Variants in EIPR1 observed in about 807,000 individuals in gnomAD.
EIPR1 encodes EARP and GARP complex-interacting protein 1.
EIPR1 carries 25 observed loss-of-function variants against 48.1 expected under a neutral mutation model. The ratio of observed to expected loss-of-function variants is 0.52; its 90% CI spans 0.38 to 0.73. The LOEUF (loss-of-function observed/expected upper bound fraction) is 0.73, where lower values mean the gene tolerates loss of function less well. EIPR1 is among the 30% of genes least tolerant of loss of function. The pLI is 0.00. For synonymous variants in EIPR1, 204 were observed against 201.9 expected (o/e 1.01, Z -0.09); for missense variants, 415 against 506.2 (o/e 0.82, Z 1.73).
chr2:3,282,294 G>C (rs903409490), intron 3 of EIPR1, among the ~76,000 whole-genome samples: 1 of 152,250 alleles, frequency 6.6e-6, no homozygotes, highest in Non-Finnish European at 1.5e-5. Context: ...TGCGGACATG[G>C]CTAGCAGCTG....
chr2:3,273,439 C>A (rs1667756201), intron 3 of EIPR1, among the ~76,000 whole-genome samples: 1 of 152,186 alleles, frequency 6.6e-6, no homozygotes, highest in African/African-American at 2.4e-5. Flanking sequence ...TGCAAAAACA[C>A]AGGCTCCTTA....
chr2:3,351,425 A>C (rs1015684206), intron 2 of EIPR1, among the ~76,000 whole-genome samples: 7 of 152,222 alleles, frequency 4.6e-5, no homozygotes, highest in African/African-American at 1.7e-4. Context: ...ACTCATAACT[A>C]TCATGCTTTC....
intron 3 of EIPR1, among the ~76,000 whole-genome samples, chr2:3,318,340 A>G (rs573130749): frequency 6.6e-6 from 1 of 152,348 alleles, no homozygotes; most frequent in Admixed American, 6.5e-5. Flanking sequence ...GGCAAATGAT[A>G]GAGCAGGACG....
At chr2:3,350,635 G>A (rs540174712) in intron 2 of EIPR1, among the ~76,000 whole-genome samples, 1 of 152,314 alleles carries the variant, frequency 6.6e-6, no homozygotes, top group Admixed American at 6.5e-5. Flanking sequence ...GTTATTCTAT[G>A]AAGTAAGCAT....
chr2:3,369,401 C>A (rs1671053341), intron 1 of EIPR1, among the ~76,000 whole-genome samples: 1 of 152,116 alleles, frequency 6.6e-6, no homozygotes. Flanking sequence ...GTGGGTGCAG[C>A]GAACCGTGCG....
chr2:3,325,006 G>A (rs1669651266), intron 3 of EIPR1, among the ~76,000 whole-genome samples: 1 of 152,212 alleles, frequency 6.6e-6, no homozygotes, highest in South Asian at 2.1e-4. Flanking sequence ...AGGGGTTTAG[G>A]GTCAGAGTCC....
chr2:3,353,367 T>C, intron 2 of EIPR1: 1 of 465,254 alleles, frequency 2.1e-6, no homozygotes, highest in Non-Finnish European at 4.5e-6. Flanking sequence ...TTACACCACG[T>C]TGATCATACT....
At chr2:3,370,615 A>T (rs1272400179) in intron 1 of EIPR1, among the ~76,000 whole-genome samples, 1 of 152,226 alleles carries the variant, frequency 6.6e-6, no homozygotes, top group Admixed American at 6.5e-5. Flanking sequence ...AGCCGATGCG[A>T]TCAACTGGAA....
At chr2:3,284,800 T>C (rs1034204064) in intron 3 of EIPR1, among the ~76,000 whole-genome samples, 4 of 151,702 alleles carry the variant, frequency 2.6e-5, no homozygotes, top group Non-Finnish European at 5.9e-5. Context: ...AGCACACAGT[T>C]GGGAAAGGGG....
chr2:3,307,601 G>A (rs139926771), intron 3 of EIPR1, among the ~76,000 whole-genome samples: 45 of 152,316 alleles, frequency 3.0e-4, no homozygotes, highest in Non-Finnish European at 5.6e-4. Flanking sequence ...GCCCGGGCAC[G>A]GAAAGACGGC....
rs1410532903 is a variant in EIPR1 at position 3,348,107 on chromosome 2, C to T, written c.126+6443G>A. Among the ~76,000 whole-genome samples, 5 of 152,194 alleles carry T rather than the reference C, an allele frequency of 3.3e-5. No individual in the cohort carries two copies. The East Asian group carries it at 5.8e-4, about 18-fold the overall frequency. ...GAACAAAGTTGTCACCAATCAGAGG[C>T]GCTGCAGGAACAAAGCTATCACGAA... On this transcript the variant is annotated intron_variant, in intron 2 of 8. Coordinates refer to ENST00000382125, the MANE Select transcript of EIPR1 (RefSeq NM_003310.5).
intron 4 of EIPR1, among the ~76,000 whole-genome samples, chr2:3,244,460 C>A (rs117767223): frequency 1.3e-5 from 2 of 152,002 alleles, no homozygotes; most frequent in East Asian, 3.9e-4. Flanking sequence ...TGTTGGAAGC[C>A]CCCCACCCCG....
At chr2:3,301,883 T>C (rs1452371969) in intron 3 of EIPR1, among the ~76,000 whole-genome samples, 1 of 152,178 alleles carries the variant, frequency 6.6e-6, no homozygotes, top group Non-Finnish European at 1.5e-5. Context: ...AAAACAAATT[T>C]AGAACTCACA....
intron 7 of EIPR1, 149 bp from the exon 8 acceptor site, chr2:3,192,730 G>A (rs1373343081): frequency 4.1e-6 from 3 of 724,720 alleles, no homozygotes; most frequent in Non-Finnish European, 6.6e-6. Flanking sequence ...CCTGACATAA[G>A]GCAGTTTTCC....
At chr2:3,374,051 A>G (rs1659788088) in intron 1 of EIPR1, among the ~76,000 whole-genome samples, 1 of 142,462 alleles carries the variant, frequency 7.0e-6, no homozygotes, top group Admixed American at 7.1e-5. Flanking sequence ...ATGGAACAGA[A>G]CAGAGCCCTC....
chr2:3,193,944 A>G (rs962634445), intron 7 of EIPR1, 55 bp downstream of exon 7: 1 of 1,587,606 alleles, frequency 6.3e-7, no homozygotes, highest in Non-Finnish European at 8.6e-7. Context: ...TAAAGTAATT[A>G]GCAAAATCAA....
At chr2:3,267,821 A>T (rs1667536617) in intron 3 of EIPR1, among the ~76,000 whole-genome samples, 1 of 152,250 alleles carries the variant, frequency 6.6e-6, no homozygotes, top group Non-Finnish European at 1.5e-5. Flanking sequence ...CAGAGACCGA[A>T]TGGCCTACAA....
intron 1 of EIPR1, among the ~76,000 whole-genome samples, chr2:3,376,639 C>T (rs971888215): frequency 6.7e-6 from 1 of 150,072 alleles, no homozygotes; most frequent in Admixed American, 6.6e-5. Context: ...TGCAGTGAGC[C>T]GAGGTCACGC....
intron 3 of EIPR1, among the ~76,000 whole-genome samples, chr2:3,304,824 T>G (rs1361631374): frequency 6.7e-6 from 1 of 149,762 alleles, no homozygotes; most frequent in Non-Finnish European, 1.5e-5. Context: ...TCCCGTCCAG[T>G]TCAGCCCTCC....
Sources: gnomAD v4.1 joint callset for allele counts (sites outside exome capture counted in the v4.1 genomes callset) on GRCh38, gnomAD v4.1.1 for gene constraint, MANE v1.5 for transcripts, NCBI Gene and HGNC (gene_info 2026-07-23, HGNC 2026-07-21) for gene names.